Variants in BCKDHB observed in about 807,000 individuals in gnomAD.
The protein encoded by BCKDHB is 2-oxoisovalerate dehydrogenase subunit beta, mitochondrial.
Under a neutral mutation model 48.5 loss-of-function variants are expected in BCKDHB, and 41 were observed. The observed-to-expected ratio is 0.85, with a 90% CI of 0.66 to 1.10. The LOEUF (loss-of-function observed/expected upper bound fraction) is 1.10. Among genes scored for constraint, BCKDHB ranks in the 50% least tolerant of loss-of-function variants. The probability of loss-of-function intolerance (pLI) is 0.00; values close to 1 mark genes in which losing one functional copy is unlikely to be tolerated. For synonymous variants in BCKDHB, 201 were observed against 174.8 expected, an observed-to-expected ratio of 1.15 and a Z score of -1.18; for missense variants, 496 against 494.2, an observed-to-expected ratio of 1.00 and a Z score of -0.03.
intron 7 of BCKDHB, among the ~76,000 whole-genome samples, chr6:80,202,122 G>A (rs749281719): frequency 2.0e-5 from 3 of 152,020 alleles, no homozygotes; most frequent in Non-Finnish European, 4.4e-5. Context: ...CTTTTTAATA[G>A]GGAGGTTAGA....
At chr6:80,410,142 G>T in the BCKDHB span, among the ~76,000 whole-genome samples, 2 of 152,076 alleles carry the variant, frequency 1.3e-5, no homozygotes, top group Non-Finnish European at 2.9e-5. Context: ...GGCAGGCCTG[G>T]TGGTGACAAA....
chr6:80,423,535 C>A, the BCKDHB span, among the ~76,000 whole-genome samples: 2 of 152,162 alleles, frequency 1.3e-5, no homozygotes, highest in Admixed American at 6.5e-5. Context: ...CTTGGTGGAA[C>A]CATTTGGGTT....
At chr6:80,419,255 G>A in the BCKDHB span, among the ~76,000 whole-genome samples, 1 of 152,314 alleles carries the variant, frequency 6.6e-6, no homozygotes. Flanking sequence ...GAAAGAATGT[G>A]TGGGCTGTTG....
At chr6:80,362,181 T>G in the BCKDHB span, among the ~76,000 whole-genome samples, 1 of 152,160 alleles carries the variant, frequency 6.6e-6, no homozygotes, top group African/African-American at 2.4e-5. Context: ...AAGCGGCTGC[T>G]TATTTCTTCT....
At chr6:80,221,551 A>G (rs1040411360) in intron 8 of BCKDHB, among the ~76,000 whole-genome samples, 1 of 151,598 alleles carries the variant, frequency 6.6e-6, no homozygotes. Flanking sequence ...GTTTTCTGAG[A>G]TTTTCTAGGT....
At chr6:80,314,861 A>G (rs1390120136) in intron 9 of BCKDHB, among the ~76,000 whole-genome samples, 1 of 152,164 alleles carries the variant, frequency 6.6e-6, no homozygotes. Flanking sequence ...CTGCTTGAGG[A>G]AGCAGTCTGG....
the BCKDHB span, chr6:80,466,007 A>G: frequency 1.3e-5 from 2 of 152,226 alleles, no homozygotes; most frequent in Non-Finnish European, 1.5e-5. Context: ...GGAGAGTTTT[A>G]AAAGGATATG....
At chr6:80,399,722 C>T in the BCKDHB span, among the ~76,000 whole-genome samples, 1 of 152,078 alleles carries the variant, frequency 6.6e-6, no homozygotes, top group African/African-American at 2.4e-5. Context: ...CAATGACAGT[C>T]TTCACAGAAC....
intron 6 of BCKDHB, among the ~76,000 whole-genome samples, chr6:80,175,427 C>T (rs139776728): frequency 1.4e-4 from 22 of 152,298 alleles, no homozygotes; most frequent in South Asian, 8.3e-4. Flanking sequence ...CTACCAGTCT[C>T]TACCACAATT....
intron 1 of BCKDHB, among the ~76,000 whole-genome samples, chr6:80,111,830 A>G (rs186899152): frequency 1.2e-4 from 19 of 152,298 alleles, no homozygotes; most frequent in Admixed American, 1.2e-3. Context: ...ACAGGAAACC[A>G]TCTCTAAATT....
chr6:80,430,506 G>A, the BCKDHB span, among the ~76,000 whole-genome samples: 2 of 151,984 alleles, frequency 1.3e-5, no homozygotes, highest in African/African-American at 2.4e-5. Context: ...ACTTTTTTTG[G>A]TTGGTAGGCT....
chr6:80,176,723 T>G (rs1293968606), intron 6 of BCKDHB, among the ~76,000 whole-genome samples: 1 of 152,130 alleles, frequency 6.6e-6, no homozygotes, highest in Admixed American at 6.5e-5. Flanking sequence ...AGCAGATAAT[T>G]AAAAGTGATT....
At chr6:80,458,767 A>T in the BCKDHB span, among the ~76,000 whole-genome samples, 907 of 152,290 alleles carry the variant, frequency 6.0e-3, 9 homozygotes, top group African/African-American at 0.02. Context: ...ACTGAGACTT[A>T]TATTCATATA....
chr6:80,435,844 C>T, the BCKDHB span, among the ~76,000 whole-genome samples: 4,308 of 152,100 alleles, frequency 0.028, 161 homozygotes, highest in African/African-American at 0.085. Flanking sequence ...CCAGCCTGAC[C>T]AACGTGGTAA....
At chr6:80,147,722 T>C (rs1358660782) in intron 3 of BCKDHB, among the ~76,000 whole-genome samples, 1 of 152,102 alleles carries the variant, frequency 6.6e-6, no homozygotes, top group East Asian at 1.9e-4. Flanking sequence ...ATTTCTGATT[T>C]AGTAGGTTTG....
the BCKDHB span, among the ~76,000 whole-genome samples, chr6:80,422,839 A>G: frequency 0.38 from 58,469 of 152,052 alleles, 14,025 homozygotes; most frequent in Non-Finnish European, 0.54. Flanking sequence ...CTTTGATTTT[A>G]CAGGCTTATA....
intron 9 of BCKDHB, among the ~76,000 whole-genome samples, chr6:80,340,684 C>G (rs1256301802): frequency 1.3e-5 from 2 of 152,122 alleles, no homozygotes; most frequent in Non-Finnish European, 2.9e-5. Context: ...CACATGGTTG[C>G]TATGGTTATG....
chr6:80,308,681 G>A (rs1166886912), intron 9 of BCKDHB, among the ~76,000 whole-genome samples: 2 of 149,458 alleles, frequency 1.3e-5, no homozygotes, highest in Admixed American at 6.7e-5. Flanking sequence ...TGCAAGCTCC[G>A]CCTCCCAGGT....
the BCKDHB span, among the ~76,000 whole-genome samples, chr6:80,423,739 A>T: frequency 1.3e-5 from 2 of 152,190 alleles, no homozygotes; most frequent in African/African-American, 4.8e-5. Context: ...ATCTGAACTT[A>T]TAACAGTGTC....
Sources: gnomAD v4.1 joint callset for allele counts (sites outside exome capture counted in the v4.1 genomes callset) on GRCh38, gnomAD v4.1.1 for gene constraint, MANE v1.5 for transcripts, NCBI Gene and HGNC (gene_info 2026-07-23, HGNC 2026-07-21) for gene names.